BCO1: variants seen among roughly 807,000 people sequenced by gnomAD.
BCO1 encodes beta,beta-carotene 15,15'-dioxygenase.
A neutral mutation model predicts 56.3 loss-of-function variants in BCO1; 54 were observed. That is an observed-to-expected ratio of 0.96 (90% CI 0.77 to 1.20). The LOEUF (loss-of-function observed/expected upper bound fraction) is 1.20, where lower values mean the gene tolerates loss of function less well. Among genes scored for constraint, BCO1 ranks in the 50% most tolerant of loss-of-function variants. The pLI, the probability that BCO1 is intolerant of heterozygous loss-of-function variation, is 0.00. For synonymous variants in BCO1, 318 were observed against 266.1 expected, an observed-to-expected ratio of 1.20 and a Z score of -1.90; for missense variants, 801 against 690.9, an observed-to-expected ratio of 1.16 and a Z score of -1.79.
chr16:81,239,520 G>A (rs1445655945), intron 1 of BCO1, among the ~76,000 whole-genome samples: 2 of 152,174 alleles, frequency 1.3e-5, no homozygotes, highest in East Asian at 3.8e-4. Context: ...GCATTGGAAT[G>A]CCCCAGTGGG....
chr16:81,265,562 C>T (rs1467937023), intron 5 of BCO1, among the ~76,000 whole-genome samples: 4 of 146,322 alleles, frequency 2.7e-5, no homozygotes, highest in Non-Finnish European at 4.5e-5. Context: ...ACCATCCATC[C>T]ATCCATTGAG....
At chr16:81,256,454 G>A (rs951541989) in intron 2 of BCO1, among the ~76,000 whole-genome samples, 11 of 152,076 alleles carry the variant, frequency 7.2e-5, no homozygotes, top group African/African-American at 2.7e-4. Flanking sequence ...TAGCAACACT[G>A]GAAGCACATA....
chr16:81,289,609 C>A (rs1908354915), intron 10 of BCO1, among the ~76,000 whole-genome samples: 1 of 152,220 alleles, frequency 6.6e-6, no homozygotes, highest in Admixed American at 6.5e-5. Flanking sequence ...CCACTGCACT[C>A]TAGCCTGGGC....
chr16:81,246,584 C>T (rs1905430533), intron 2 of BCO1, among the ~76,000 whole-genome samples: 1 of 148,938 alleles, frequency 6.7e-6, no homozygotes, highest in Non-Finnish European at 1.5e-5. Flanking sequence ...GGCGCAGTGG[C>T]TCATGCCTGT....
At chr16:81,271,622 T>C (rs1597367350) in intron 7 of BCO1, among the ~76,000 whole-genome samples, 1 of 152,186 alleles carries the variant, frequency 6.6e-6, no homozygotes, top group African/African-American at 2.4e-5. Flanking sequence ...AGACATCACG[T>C]ATAAATGGAG....
chr16:81,265,948 C>G (rs7498868), intron 5 of BCO1, among the ~76,000 whole-genome samples: 1 of 152,112 alleles, frequency 6.6e-6, no homozygotes, highest in East Asian at 1.9e-4. Context: ...TATTCACTCA[C>G]CATCCTTCCA....
intron 2 of BCO1, among the ~76,000 whole-genome samples, chr16:81,258,614 G>A (rs544682056): frequency 3.9e-5 from 6 of 152,332 alleles, no homozygotes; most frequent in African/African-American, 1.4e-4. Context: ...TGGAAGGGAT[G>A]ACTGATTCTG....
chr16:81,241,494 C>T (rs1905106368), intron 1 of BCO1, among the ~76,000 whole-genome samples: 2 of 152,166 alleles, frequency 1.3e-5, no homozygotes, highest in African/African-American at 4.8e-5. Context: ...AAGGGGTGGC[C>T]CCGGACCTGC....
chr16:81,238,869 T>C lies in BCO1; in HGVS notation c.-40T>C. The C allele has an allele frequency of 6.3e-7, 1 of 1,578,072 alleles. No homozygotes were observed. The highest frequency in any genetic ancestry group is 8.7e-7 in the Non-Finnish European group (1 of 1,147,294). On this transcript the variant is annotated 5_prime_UTR_variant, in exon 1 of 11. Transcript: ENST00000258168. Reference sequence around the variant, plus strand: ...TCTCCTGTGAACACAGAGGAGCACCTGTTTGCTGTTAAAATCGATCTCCCT... The same window carrying C: ...TCTCCTGTGAACACAGAGGAGCACCCGTTTGCTGTTAAAATCGATCTCCCT...
intron 2 of BCO1, among the ~76,000 whole-genome samples, chr16:81,250,251 C>G (rs893691641): frequency 6.6e-6 from 1 of 152,170 alleles, no homozygotes; most frequent in Admixed American, 6.5e-5. Flanking sequence ...TACTCTCTAA[C>G]TTCAGAATCC....
chr16:81,244,182 C>T (rs915255744), intron 1 of BCO1, among the ~76,000 whole-genome samples: 18 of 152,226 alleles, frequency 1.2e-4, no homozygotes, highest in African/African-American at 4.1e-4. Flanking sequence ...TAGGAAGGGA[C>T]GAACGCTGAG....
At chr16:81,269,434 T>C (rs12447730) in intron 6 of BCO1, among the ~76,000 whole-genome samples, 29,034 of 152,034 alleles carry the variant, frequency 0.19, 3,532 homozygotes, top group Non-Finnish European at 0.27. Flanking sequence ...TAGTTGGGAT[T>C]ATAGGCACAC....
At chr16:81,250,112 G>A (rs1905697211) in intron 2 of BCO1, among the ~76,000 whole-genome samples, 1 of 152,106 alleles carries the variant, frequency 6.6e-6, no homozygotes, top group African/African-American at 2.4e-5. Flanking sequence ...AGCCCTCCCC[G>A]TCACTCCTGA....
Position 81,269,065 on chromosome 16 carries a change from C to CTTTTT in BCO1, c.843+953_843+957dup, listed in dbSNP as rs71146003. ...ACATGTGTGAGCCATTGCACCTGGT[C>CTTTTT]TTTTTTTTTTTTTTTTTTTTTTTGC... On this transcript the variant is annotated intron_variant, in intron 6 of 10. Transcript: ENST00000258168. Among the ~76,000 whole-genome samples the CTTTTT allele has an allele frequency of 4.2e-3, 350 of 83,048 alleles. 20 individuals are homozygous for CTTTTT. The highest frequency in any genetic ancestry group is 0.014 in the African/African-American group (247 of 17,868). The allele number at this position is 83,048 out of a possible 152,430, so 54.5% of individuals were successfully genotyped here.
chr16:81,281,892 T>C (rs1211741424), intron 8 of BCO1, among the ~76,000 whole-genome samples: 1 of 152,224 alleles, frequency 6.6e-6, no homozygotes, highest in South Asian at 2.1e-4. Flanking sequence ...GGGAGCACCA[T>C]TGCCATGATG....
At chr16:81,285,468 A>G (rs1461040978) in intron 8 of BCO1, 72 bp from the exon 9 acceptor site, 1 of 1,121,058 alleles carries the variant, frequency 8.9e-7, no homozygotes, top group East Asian at 2.4e-5. Context: ...AGGCTACCCA[A>G]TCTGACAGGA....
In BCO1 at chr16:81,285,565, T is replaced by C. The variant is rs1362125385; in HGVS notation, c.1233T>C (p.Tyr411=). 3.7e-6 allele frequency: 6 copies of C among 1,613,658 alleles called. No homozygotes were observed. In the African/African-American group the frequency reaches 8.0e-5, roughly 22 times the overall value. The stretch of plus-strand genomic sequence containing the variant: ...GCTTAGAGCTTCCACGGGTCAATTA[T>C]GCTCACAATGGAAAGCAATACCGAT... ...YEGLELPRVN[Y]AHNGKQYRYV... Residue 411 remains tyrosine, a synonymous_variant, in exon 9 of 11, where the codon TAT becomes TAC. Coordinates refer to ENST00000258168, the MANE Select transcript of BCO1 (RefSeq NM_017429.3).
chr16:81,245,117 C>T (rs1217146159), intron 1 of BCO1, among the ~76,000 whole-genome samples: 1 of 152,182 alleles, frequency 6.6e-6, no homozygotes, highest in Non-Finnish European at 1.5e-5. Flanking sequence ...GTCTTGAACT[C>T]CTGACCTCAG....
chr16:81,260,281 A>G (rs1906402261), intron 3 of BCO1, among the ~76,000 whole-genome samples: 1 of 151,712 alleles, frequency 6.6e-6, no homozygotes, highest in Admixed American at 6.6e-5. Context: ...TGCACTCTAC[A>G]GAAGCTTTTC....
Sources: allele counts gnomAD v4.1 joint callset (sites outside exome capture counted in the v4.1 genomes callset), GRCh38; gene constraint gnomAD v4.1.1; transcripts MANE v1.5; gene names NCBI Gene and HGNC (gene_info 2026-07-23, HGNC 2026-07-21).